SPATS2: variants seen among roughly 807,000 people sequenced by gnomAD.
SPATS2 encodes the protein spermatogenesis-associated serine-rich protein 2.
Under a neutral mutation model 63.7 loss-of-function variants are expected in SPATS2, and 38 were observed. The ratio of observed to expected loss-of-function variants is 0.60; its 90% CI spans 0.46 to 0.78. The LOEUF (loss-of-function observed/expected upper bound fraction) is 0.78, where lower values mean the gene tolerates loss of function less well. Ranked by LOEUF, SPATS2 falls within the 30% of genes least tolerant of loss-of-function variation. The pLI is 0.00. For missense variants in SPATS2, 588 were observed against 666.2 expected, an observed-to-expected ratio of 0.88 and a Z score of 1.29; for synonymous variants, 207 against 232.9, an observed-to-expected ratio of 0.89 and a Z score of 1.01.
At chr12:49,381,992 A>G (rs2137193761) in intron 2 of SPATS2, among the ~76,000 whole-genome samples, 1 of 152,312 alleles carries the variant, frequency 6.6e-6, no homozygotes, top group Non-Finnish European at 1.5e-5. Context: ...TCTTTGAATA[A>G]GCAATGGAAA....
Position 49,468,064 on chromosome 12 carries a change from CTCTTT to C in SPATS2, c.25+7036_25+7040del, listed in dbSNP as rs572334108. 3.6e-3 allele frequency among the ~76,000 whole-genome samples: 543 copies of C among 151,582 alleles called. 3 individuals are homozygous for C. Among genetic ancestry groups the C allele is most frequent in the Non-Finnish European group, 5.6e-3 (377 of 67,844 alleles). On this transcript the variant is annotated intron_variant, in intron 3 of 13. Transcript: ENST00000552918. ...TCTTCTTTTCCTTTCTTTTCTTTTT[CTCTTT>C]TCTTTTCTCTCTTCTCTTCTCCTTT...
chr12:49,409,467 G>A (rs554145495), intron 2 of SPATS2, among the ~76,000 whole-genome samples: 99 of 151,640 alleles, frequency 6.5e-4, no homozygotes, highest in Admixed American at 5.7e-3. Context: ...CACCATGCCC[G>A]GCTAATTTTT....
intron 2 of SPATS2, among the ~76,000 whole-genome samples, chr12:49,455,673 G>A (rs1161011454): frequency 6.6e-6 from 1 of 152,192 alleles, no homozygotes; most frequent in East Asian, 1.9e-4. Flanking sequence ...TTAGGCTGGC[G>A]TGCAGTGGCA....
intron 9 of SPATS2, among the ~76,000 whole-genome samples, chr12:49,510,081 A>AC (rs1437658789): frequency 6.7e-6 from 1 of 149,040 alleles, no homozygotes; most frequent in African/African-American, 2.5e-5. Flanking sequence ...ACATAGTGAG[A>AC]CCCCCGCCTC....
chr12:49,522,932 G>A, intron 12 of SPATS2, 79 bp downstream of exon 12: 1 of 1,197,322 alleles, frequency 8.4e-7, no homozygotes, highest in Non-Finnish European at 1.2e-6. Context: ...CTTCACCACT[G>A]ATTCCTCATT....
intron 2 of SPATS2, among the ~76,000 whole-genome samples, chr12:49,444,942 A>C (rs1945485806): frequency 6.6e-6 from 1 of 151,938 alleles, no homozygotes; most frequent in Non-Finnish European, 1.5e-5. Context: ...TAATTATTAG[A>C]CCTTGCTGAA....
intron 2 of SPATS2, among the ~76,000 whole-genome samples, chr12:49,385,955 C>A (rs1402975992): frequency 2.0e-5 from 3 of 151,032 alleles, no homozygotes; most frequent in Non-Finnish European, 4.4e-5. Flanking sequence ...CCTCTGCCTC[C>A]CAGGTTCAAG....
chr12:49,372,620 T>A (rs887416140), intron 2 of SPATS2, among the ~76,000 whole-genome samples: 3 of 152,332 alleles, frequency 2.0e-5, no homozygotes, highest in Admixed American at 2.0e-4. Context: ...TATACTTTGC[T>A]GCCTTTGATT....
chr12:49,375,805 T>C (rs1944089881), intron 2 of SPATS2, among the ~76,000 whole-genome samples: 1 of 151,982 alleles, frequency 6.6e-6, no homozygotes, highest in Non-Finnish European at 1.5e-5. Flanking sequence ...GCCAGCCATG[T>C]AGCTTAAACT....
At chr12:49,429,204 A>T (rs1460670736) in intron 2 of SPATS2, among the ~76,000 whole-genome samples, 2 of 152,148 alleles carry the variant, frequency 1.3e-5, no homozygotes, top group Non-Finnish European at 2.9e-5. Context: ...TTTCCCACTT[A>T]GAATGTCTTT....
chr12:49,409,944 G>C (rs1163571524), intron 2 of SPATS2, among the ~76,000 whole-genome samples: 1 of 152,122 alleles, frequency 6.6e-6, no homozygotes, highest in Non-Finnish European at 1.5e-5. Context: ...GCTGAGTTGA[G>C]TGTAGAGAAG....
intron 3 of SPATS2, among the ~76,000 whole-genome samples, chr12:49,473,048 CAA>C (rs34734137): frequency 5.1e-4 from 43 of 83,560 alleles, no homozygotes; most frequent in Middle Eastern, 7.6e-3. Context: ...GACCCTGTCT[CAA>C]AAAAAAAAAA....
chr12:49,458,994 A>C (rs1945770364), intron 2 of SPATS2, among the ~76,000 whole-genome samples: 1 of 152,146 alleles, frequency 6.6e-6, no homozygotes, highest in Non-Finnish European at 1.5e-5. Context: ...AGGCATGATA[A>C]ATCTAAGTAC....
chr12:49,446,973 G>C (rs1457985804), intron 2 of SPATS2, among the ~76,000 whole-genome samples: 1 of 150,944 alleles, frequency 6.6e-6, no homozygotes, highest in Non-Finnish European at 1.5e-5. Flanking sequence ...CTGTCGCCCA[G>C]GCTGGGGTGC....
intron 3 of SPATS2, among the ~76,000 whole-genome samples, chr12:49,471,768 A>G (rs1372352955): frequency 6.6e-6 from 1 of 152,228 alleles, no homozygotes; most frequent in Non-Finnish European, 1.5e-5. Flanking sequence ...CCCATTAAAC[A>G]GTAACTTACC....
At position 49,489,529 on chromosome 12, in the gene SPATS2, A is replaced by T; in HGVS notation, c.170A>T (p.His57Leu). Reference sequence around the variant, plus strand: ...AATGAAATTATCCTGGTTTTGCAGCACTTTGATAACTGTGTGGACAAAACA... The same window carrying T: ...AATGAAATTATCCTGGTTTTGCAGCTCTTTGATAACTGTGTGGACAAAACA... Reference protein sequence around the residue: ...SNNEIILVLQHFDNCVDKTVQ... With the variant: ...SNNEIILVLQLFDNCVDKTVQ... Residue 57 changes from histidine to leucine, a missense_variant, in exon 5 of 14, where the codon CAC becomes CTC. His to Leu is a moderately conservative substitution (Grantham distance 99). Coordinates refer to ENST00000552918, the MANE Select transcript of SPATS2 (RefSeq NM_023071.4). 1 of 1,613,920 alleles carries T rather than the reference A, an allele frequency of 6.2e-7. No individual in the cohort carries two copies. The highest frequency in any genetic ancestry group is 8.5e-7 in the Non-Finnish European group (1 of 1,179,890).
At chr12:49,477,546 T>C (rs1592438166) in intron 3 of SPATS2, among the ~76,000 whole-genome samples, 1 of 152,174 alleles carries the variant, frequency 6.6e-6, no homozygotes, top group Non-Finnish European at 1.5e-5. Context: ...AGAAGACTGA[T>C]TGATGAACCG....
intron 3 of SPATS2, among the ~76,000 whole-genome samples, chr12:49,481,458 A>AT (rs1013711085): frequency 0.019 from 1,868 of 97,838 alleles, 161 homozygotes; most frequent in East Asian, 0.12. Context: ...AGGCTTCCTC[A>AT]TTTTTTTTTT....
chr12:49,502,576 C>A (rs981104078), intron 9 of SPATS2, among the ~76,000 whole-genome samples: 1 of 152,140 alleles, frequency 6.6e-6, no homozygotes, highest in African/African-American at 2.4e-5. Context: ...CTCAGCCTCC[C>A]TAGTCCCCTA....
Sources: allele counts gnomAD v4.1 joint callset (sites outside exome capture counted in the v4.1 genomes callset), GRCh38; gene constraint gnomAD v4.1.1; transcripts MANE v1.5; gene names NCBI Gene and HGNC (gene_info 2026-07-23, HGNC 2026-07-21).